Variants in SLF1 observed in about 807,000 individuals in gnomAD.
The protein encoded by SLF1 is SMC5-SMC6 complex localization factor protein 1.
SLF1 carries 105 observed loss-of-function variants against 123.0 expected under a neutral mutation model. The observed-to-expected ratio is 0.85, with a 90% CI of 0.73 to 1.00. SLF1 has a LOEUF of 1.00. Ranked by LOEUF, SLF1 falls within the 50% of genes least tolerant of loss-of-function variation. SLF1 has a pLI of 0.00. For synonymous variants in SLF1, 434 were observed against 406.6 expected, an observed-to-expected ratio of 1.07 and a Z score of -0.81; for missense variants, 1,239 against 1,223.0, an observed-to-expected ratio of 1.01 and a Z score of -0.20.
At chr5:94,678,530 A>T (rs1479972469) in intron 14 of SLF1, 2 of 213,366 alleles carry the variant, frequency 9.4e-6, no homozygotes, top group African/African-American at 4.6e-5. Context: ...ATTTCCTAAC[A>T]AACTTGATGG....
chr5:94,631,937 G>A (rs957798586), intron 4 of SLF1, among the ~76,000 whole-genome samples: 14 of 151,484 alleles, frequency 9.2e-5, no homozygotes, highest in African/African-American at 2.7e-4. Context: ...GCAACATGGC[G>A]AGATGCTGTC....
intron 3 of SLF1, among the ~76,000 whole-genome samples, chr5:94,630,061 G>T (rs190226289): frequency 6.6e-6 from 1 of 152,056 alleles, no homozygotes; most frequent in Non-Finnish European, 1.5e-5. Context: ...TAATAATGCC[G>T]TGAACAATAT....
At chr5:94,642,946 C>T (rs1445590992) in intron 4 of SLF1, among the ~76,000 whole-genome samples, 3 of 151,902 alleles carry the variant, frequency 2.0e-5, no homozygotes, top group South Asian at 2.1e-4. Context: ...TGAGGATAGC[C>T]GCTTCCTTAG....
intron 13 of SLF1, among the ~76,000 whole-genome samples, chr5:94,670,555 A>C (rs149862619): frequency 0.017 from 2,535 of 151,902 alleles, 28 homozygotes; most frequent in Non-Finnish European, 0.026. Context: ...TTAGTAATTG[A>C]ATGCTAAGTA....
At chr5:94,652,600 G>A (rs1747870642) in intron 7 of SLF1, among the ~76,000 whole-genome samples, 1 of 152,010 alleles carries the variant, frequency 6.6e-6, no homozygotes, top group African/African-American at 2.4e-5. Context: ...ATTGGTTTAT[G>A]TGTTTGATTG....
chr5:94,674,855 T>G (rs979792473), intron 14 of SLF1, among the ~76,000 whole-genome samples: 1 of 152,222 alleles, frequency 6.6e-6, no homozygotes, highest in Non-Finnish European at 1.5e-5. Flanking sequence ...TTTGAGATGT[T>G]CTTAAGTGCT....
chr5:94,671,130 C>A, intron 14 of SLF1, 122 bp downstream of exon 14: 1 of 727,188 alleles, frequency 1.4e-6, no homozygotes, highest in Non-Finnish European at 2.1e-6. Flanking sequence ...CCAAATATAT[C>A]ATTGTTTTCT....
chr5:94,668,058 ACTTCT>A (rs1358418233), intron 12 of SLF1, among the ~76,000 whole-genome samples: 1 of 150,416 alleles, frequency 6.6e-6, no homozygotes, highest in South Asian at 2.1e-4. Flanking sequence ...GCTTCGTTTC[ACTTCT>A]CTTCTCTCTT....
At position 94,689,598 on chromosome 5, in the gene SLF1, A is replaced by G. The variant is rs1198081458; in HGVS notation, c.2411A>G (p.Asn804Ser). Residue 804 changes from asparagine to serine, a missense_variant, in exon 18 of 21, where the codon AAT (asparagine) becomes AGT (serine). Coordinates refer to ENST00000265140, the MANE Select transcript of SLF1 (RefSeq NM_032290.4). ...VVKKMNFHKT[N>S]LKGETALHRA... ...AAAAAGATGAATTTTCACAAGACTA[A>G]TCTAAAAGGTATTCCAAGTATTTAA... 1 of 1,607,414 alleles carries G rather than the reference A, an allele frequency of 6.2e-7. No individual in the cohort carries two copies. The highest frequency in any genetic ancestry group is 2.2e-5 in the East Asian group (1 of 44,772).
In SLF1 at chr5:94,696,239, A is replaced by G. The variant is rs1461856453; in HGVS notation, c.*927A>G. ...TTCACTACTGGGAGTAAGTTACATT[A>G]TGATACAGGTGGAAAATAAACACTT... On this transcript the variant is annotated 3_prime_UTR_variant, in exon 21 of 21. Coordinates refer to ENST00000265140, the MANE Select transcript of SLF1 (RefSeq NM_032290.4). 6.6e-6 allele frequency: 1 copy of G among 151,838 alleles called. No homozygotes were observed. The highest frequency in any genetic ancestry group is 1.5e-5 in the Non-Finnish European group (1 of 67,832). The allele number at this position is 151,838 out of a possible 1,614,324, so 9.4% of individuals were successfully genotyped here. A position where few individuals can be genotyped will look rare whatever the true frequency, so the allele number is the denominator to read the frequency against.
At chr5:94,663,600 G>A (rs1032098455) in intron 10 of SLF1, 150 bp from the exon 11 acceptor site, 2 of 658,414 alleles carry the variant, frequency 3.0e-6, no homozygotes, top group Non-Finnish European at 4.8e-6. Flanking sequence ...AGCCGAGATC[G>A]CACCACTGCA....
chr5:94,690,179 T>G (rs1250825521), intron 18 of SLF1, among the ~76,000 whole-genome samples: 1 of 152,218 alleles, frequency 6.6e-6, no homozygotes, highest in Non-Finnish European at 1.5e-5. Flanking sequence ...GGCACCTCTT[T>G]TACTTAGCCA....
intron 4 of SLF1, among the ~76,000 whole-genome samples, chr5:94,636,417 G>A (rs1313508596): frequency 6.6e-6 from 1 of 151,906 alleles, no homozygotes; most frequent in African/African-American, 2.4e-5. Context: ...ACAGTTATTA[G>A]GTCTCATAAT....
chr5:94,624,779 A>G (rs1213426687), intron 1 of SLF1, among the ~76,000 whole-genome samples: 4 of 152,132 alleles, frequency 2.6e-5, no homozygotes, highest in African/African-American at 9.7e-5. Context: ...TAGACTTTTT[A>G]AAACCACCCA....
chr5:94,649,843 G>T (rs1747474976), intron 6 of SLF1, among the ~76,000 whole-genome samples: 1 of 151,928 alleles, frequency 6.6e-6, no homozygotes, highest in Non-Finnish European at 1.5e-5. Flanking sequence ...CTCAACACAT[G>T]GTAATTACTT....
Position 94,662,351 on chromosome 5 carries a change from G to C in SLF1, c.1209G>C (p.Glu403Asp). 29 of 1,546,178 alleles carry C rather than the reference G, an allele frequency of 1.9e-5. No homozygotes were observed. Among genetic ancestry groups the C allele is most frequent in the Non-Finnish European group, 2.4e-5 (27 of 1,144,186 alleles). ...RIDKQPVYNVEVKNAEFPRGV... is the reference protein window; with the variant it reads ...RIDKQPVYNVDVKNAEFPRGV... The stretch of plus-strand genomic sequence containing the variant: ...ATAAACAACCAGTGTACAACGTAGA[G>C]GTAAGGGGCTTGGAGCAGCATTGGT... The change falls in exon 10 of 21, where the codon GAG (glutamate) becomes GAC (aspartate). Residue 403 changes from glutamate to aspartate, a missense_variant and splice_region_variant. Physicochemically the swap from Glu to Asp is conservative, Grantham distance 45. Transcript: ENST00000265140.
chr5:94,683,236 T>G (rs538969235), intron 15 of SLF1, among the ~76,000 whole-genome samples: 1 of 152,342 alleles, frequency 6.6e-6, no homozygotes, highest in Non-Finnish European at 1.5e-5. Context: ...TTTCCATGCT[T>G]CAGACCTTTT....
intron 4 of SLF1, among the ~76,000 whole-genome samples, chr5:94,642,392 C>T (rs1422421398): frequency 6.6e-6 from 1 of 152,196 alleles, no homozygotes; most frequent in Non-Finnish European, 1.5e-5. Flanking sequence ...AACTGTGATG[C>T]TAGCTATACT....
chr5:94,689,593 G>C lies in SLF1; in HGVS notation c.2406G>C (p.Lys802Asn), dbSNP rs367590507. 6.2e-7 allele frequency: 1 copy of C among 1,608,406 alleles called. No individual in the cohort carries two copies. The highest frequency in any genetic ancestry group is 1.3e-5 in the African/African-American group (1 of 74,652). The change falls in exon 18 of 21, where the codon AAG (lysine) becomes AAC (asparagine). Residue 802 changes from lysine to asparagine, a missense_variant. By Grantham distance (94) the Lys-to-Asn change is moderately conservative (BLOSUM62 0). Transcript: ENST00000265140. ...PSVVKKMNFH[K>N]TNLKGETALH... Reference sequence around the variant, plus strand: ...TAGTTAAAAAGATGAATTTTCACAAGACTAATCTAAAAGGTATTCCAAGTA... The same window carrying C: ...TAGTTAAAAAGATGAATTTTCACAACACTAATCTAAAAGGTATTCCAAGTA...
Sources: allele counts gnomAD v4.1 joint callset (sites outside exome capture counted in the v4.1 genomes callset), GRCh38; gene constraint gnomAD v4.1.1; transcripts MANE v1.5; gene names NCBI Gene and HGNC (gene_info 2026-07-23, HGNC 2026-07-21).